NR2F1-AS1: variants seen among roughly 807,000 people sequenced by gnomAD.
The protein encoded by NR2F1-AS1 is NR2F1 regulatory antisense RNA 1.
At chr5:93,581,718 CT>C (rs1753049237), upstream of NR2F1-AS1, among the ~76,000 whole-genome samples, 3 of 69,490 alleles carry the variant, frequency 4.3e-5, no homozygotes, top group African/African-American at 2.3e-4. Flanking sequence ...CTCTCTCTCT[CT>C]CTCTCTCTCT....
intron 4 of NR2F1-AS1, among the ~76,000 whole-genome samples, chr5:93,530,941 G>C (rs1432486032): frequency 6.6e-6 from 1 of 151,764 alleles, no homozygotes; most frequent in African/African-American, 2.4e-5. Flanking sequence ...TTTCAAATTT[G>C]TCTTTGACAA....
intron 4 of NR2F1-AS1, among the ~76,000 whole-genome samples, chr5:93,526,737 G>A (rs1356777329): frequency 2.6e-5 from 4 of 152,118 alleles, no homozygotes; most frequent in Non-Finnish European, 5.9e-5. Context: ...CAGATCTGAT[G>A]ACAAAAACCA....
chr5:93,462,485 T>C (rs1006811498), intron 4 of NR2F1-AS1, among the ~76,000 whole-genome samples: 1 of 152,104 alleles, frequency 6.6e-6, no homozygotes, highest in African/African-American at 2.4e-5. Flanking sequence ...TAGAATAATA[T>C]AGTAAATTGT....
At chr5:93,512,845 G>A (rs1309667872) in intron 4 of NR2F1-AS1, among the ~76,000 whole-genome samples, 1 of 152,144 alleles carries the variant, frequency 6.6e-6, no homozygotes, top group African/African-American at 2.4e-5. Flanking sequence ...TAGCTTAGGT[G>A]TGTAGTAGGC....
intron 1 of NR2F1-AS1, among the ~76,000 whole-genome samples, chr5:93,578,471 G>A (rs1177356796): frequency 6.6e-6 from 1 of 152,032 alleles, no homozygotes; most frequent in Non-Finnish European, 1.5e-5. Flanking sequence ...GAGGAAGGAA[G>A]GGAGGCTCCC....
intron 1 of NR2F1-AS1, among the ~76,000 whole-genome samples, chr5:93,565,618 A>G (rs1386970577): frequency 6.6e-6 from 1 of 152,016 alleles, no homozygotes; most frequent in Non-Finnish European, 1.5e-5. Context: ...ATTTTTCTTC[A>G]TATACCATTT....
At chr5:93,436,781 C>A (rs1418681867) in intron 4 of NR2F1-AS1, among the ~76,000 whole-genome samples, 1 of 151,978 alleles carries the variant, frequency 6.6e-6, no homozygotes, top group African/African-American at 2.4e-5. Context: ...ACAAATTCTA[C>A]CAACACGTAA....
intron 1 of NR2F1-AS1, among the ~76,000 whole-genome samples, chr5:93,577,679 C>T (rs541313456): frequency 6.6e-6 from 1 of 152,306 alleles, no homozygotes; most frequent in African/African-American, 2.4e-5. Flanking sequence ...CTATGTCCTT[C>T]CTGGCTTTAA....
intron 4 of NR2F1-AS1, among the ~76,000 whole-genome samples, chr5:93,431,102 G>C (rs57235682): frequency 0.015 from 2,285 of 152,184 alleles, 56 homozygotes; most frequent in African/African-American, 0.053. Context: ...TGGAATGCCA[G>C]CACAGTTACA....
At chr5:93,569,429 G>A (rs887412292) in intron 1 of NR2F1-AS1, among the ~76,000 whole-genome samples, 5 of 152,162 alleles carry the variant, frequency 3.3e-5, no homozygotes, top group Non-Finnish European at 7.3e-5. Context: ...CTGCTCCTGG[G>A]CTTATCTCCC....
At chr5:93,467,602 C>T (rs969290966) in intron 4 of NR2F1-AS1, among the ~76,000 whole-genome samples, 2 of 152,182 alleles carry the variant, frequency 1.3e-5, no homozygotes, top group African/African-American at 2.4e-5. Flanking sequence ...TCTCAAATAA[C>T]TATTCTGCTA....
chr5:93,430,912 A>T (rs1375161490), intron 4 of NR2F1-AS1, among the ~76,000 whole-genome samples: 2 of 129,970 alleles, frequency 1.5e-5, no homozygotes, highest in African/African-American at 6.3e-5. Flanking sequence ...TCCAGAAATG[A>T]GCCATCCAGT....
chr5:93,585,098 C>A, upstream of NR2F1-AS1: 1 of 1,001,376 alleles, frequency 1.0e-6, no homozygotes, highest in Non-Finnish European at 1.2e-6. Context: ...GCCCCAACCC[C>A]GCAGCGCAGG....
chr5:93,447,751 C>T (rs1194446423), intron 4 of NR2F1-AS1, among the ~76,000 whole-genome samples: 1 of 148,970 alleles, frequency 6.7e-6, no homozygotes, highest in African/African-American at 2.4e-5. Flanking sequence ...AGACACATGC[C>T]CACATTGCGG....
rs1294576582 is a variant in NR2F1-AS1 at position 93,544,027 on chromosome 5, G to C, written n.638+9734C>G. On this transcript the variant is annotated intron_variant and non_coding_transcript_variant, in intron 4 of 5. Coordinates refer to ENST00000660523, the Ensembl canonical transcript of NR2F1-AS1. ...ACAGTTCAATGGTCATTAGATTCCT[G>C]CAAAGCAAGAAAAGAGAAATGGGAA... 2.6e-5 allele frequency: 4 copies of C among 152,094 alleles called. No homozygotes were observed. The East Asian group carries it at 7.7e-4, about 29-fold the overall frequency. 9.4% of individuals were successfully genotyped at this position (152,094 alleles called of 1,614,324 possible).
At chr5:93,483,470 G>A (rs375302388) in intron 4 of NR2F1-AS1, among the ~76,000 whole-genome samples, 1 of 152,128 alleles carries the variant, frequency 6.6e-6, no homozygotes, top group Non-Finnish European at 1.5e-5. Flanking sequence ...ACCAACAGCA[G>A]ATAAATTCAT....
At chr5:93,524,102 A>G (rs971759132) in intron 4 of NR2F1-AS1, among the ~76,000 whole-genome samples, 4 of 152,010 alleles carry the variant, frequency 2.6e-5, no homozygotes, top group South Asian at 2.1e-4. Context: ...GAAGCTAAGA[A>G]CCTTGAAAAA....
chr5:93,413,286 A>G (rs1367755877), intron 4 of NR2F1-AS1, among the ~76,000 whole-genome samples: 1 of 151,618 alleles, frequency 6.6e-6, no homozygotes, highest in Non-Finnish European at 1.5e-5. Flanking sequence ...GTTCCATCCC[A>G]TCTTCTCCTT....
rs1267599896 is a variant in NR2F1-AS1 at position 93,471,251 on chromosome 5, A to G, written n.639-75709T>C. Among the ~76,000 whole-genome samples, 4 of 151,912 alleles carry G rather than the reference A, an allele frequency of 2.6e-5. No homozygotes were observed. The East Asian group carries it at 5.8e-4, about 22-fold the overall frequency. ...GAAAGTCTCATTTGGGGTGGGCAGA[A>G]GTATGCATTGGCACTTTTCTGGAAA... On this transcript the variant is annotated intron_variant and non_coding_transcript_variant, in intron 4 of 5. Coordinates refer to ENST00000660523, the Ensembl canonical transcript of NR2F1-AS1.
Sources: allele counts gnomAD v4.1 joint callset (sites outside exome capture counted in the v4.1 genomes callset), GRCh38; gene constraint gnomAD v4.1.1; transcripts MANE v1.5; gene names NCBI Gene and HGNC (gene_info 2026-07-23, HGNC 2026-07-21).